Variants in COL28A1 observed in about 807,000 individuals in gnomAD.
The protein encoded by COL28A1 is collagen type XXVIII alpha 1 chain.
In COL28A1, 161 loss-of-function variants were observed where a neutral mutation model predicts 150.2. That is an observed-to-expected ratio of 1.07 (90% CI 0.94 to 1.22). The LOEUF is 1.22. COL28A1 is among the 50% of genes most tolerant of loss of function. COL28A1 has a pLI of 0.00. For missense variants in COL28A1, 1,617 were observed against 1,388.3 expected (o/e 1.16, Z -2.62); for synonymous variants, 552 against 469.7 (o/e 1.18, Z -2.26).
intron 27 of COL28A1, among the ~76,000 whole-genome samples, chr7:7,416,967 CTCAGTT>C (rs1204960382): frequency 6.6e-6 from 1 of 151,938 alleles, no homozygotes; most frequent in Non-Finnish European, 1.5e-5. Flanking sequence ...AGGTGAATAA[CTCAGTT>C]TCAAAGCTTA....
chr7:7,534,423 TAAA>T (rs777157628), intron 1 of COL28A1, among the ~76,000 whole-genome samples: 14 of 152,312 alleles, frequency 9.2e-5, no homozygotes, highest in Non-Finnish European at 1.6e-4. Flanking sequence ...AAGGTTAGTG[TAAA>T]GATAAGGCTA....
upstream of COL28A1, among the ~76,000 whole-genome samples, chr7:7,539,981 T>A (rs2115286670): frequency 6.6e-6 from 1 of 152,328 alleles, no homozygotes; most frequent in African/African-American, 2.4e-5. Context: ...TGACTATTAA[T>A]CTCTTTCTCT....
chr7:7,541,990 C>T, the COL28A1 span, among the ~76,000 whole-genome samples: 1 of 151,900 alleles, frequency 6.6e-6, no homozygotes, highest in East Asian at 1.9e-4. Context: ...GTTGACAATA[C>T]CATGCTGCAG....
At chr7:7,350,966 T>C in the COL28A1 span, among the ~76,000 whole-genome samples, 8 of 152,156 alleles carry the variant, frequency 5.3e-5, no homozygotes, top group African/African-American at 1.7e-4. Flanking sequence ...CAGAGAAAAA[T>C]AGAGAAAGTC....
intron 32 of COL28A1, 110 bp from the exon 33 acceptor site, chr7:7,370,992 G>C: frequency 1.4e-6 from 1 of 729,800 alleles, no homozygotes; most frequent in Non-Finnish European, 2.2e-6. Flanking sequence ...CCCATTACTT[G>C]AAATCAACTG....
intron 22 of COL28A1, among the ~76,000 whole-genome samples, chr7:7,436,877 T>A (rs1012941526): frequency 5.9e-5 from 9 of 152,100 alleles, no homozygotes; most frequent in African/African-American, 1.9e-4. Context: ...CCGTCTCTAC[T>A]AAAAGCACAA....
At chr7:7,443,974 T>C (rs2128322777) in intron 19 of COL28A1, among the ~76,000 whole-genome samples, 1 of 150,204 alleles carries the variant, frequency 6.7e-6, no homozygotes, top group East Asian at 1.9e-4. Context: ...ACCTTCAGCC[T>C]TTCCATCTGC....
At chr7:7,347,901 T>C in the COL28A1 span, among the ~76,000 whole-genome samples, 2 of 151,986 alleles carry the variant, frequency 1.3e-5, no homozygotes, top group Admixed American at 6.6e-5. Context: ...GGTAAGGAAG[T>C]TGAGCCTCCT....
At chr7:7,384,457 T>C (rs1408245679) in intron 27 of COL28A1, among the ~76,000 whole-genome samples, 3 of 152,196 alleles carry the variant, frequency 2.0e-5, no homozygotes, top group Admixed American at 6.5e-5. Flanking sequence ...GGTTGGAAAA[T>C]AAGTGAGTAT....
intron 23 of COL28A1, among the ~76,000 whole-genome samples, chr7:7,432,982 C>G (rs1052545140): frequency 6.6e-6 from 1 of 151,824 alleles, no homozygotes; most frequent in African/African-American, 2.4e-5. Context: ...CCTATTGTTG[C>G]GTTAAATCTA....
chr7:7,474,639 G>T lies in COL28A1; in HGVS notation c.1264C>A (p.Pro422Thr). The stretch of plus-strand genomic sequence containing the variant: ...ATTGACAGGCCTTGTAATCCCTGTG[G>T]GCCAGTTGGTCCTTCAGAACCTTTT... Reference protein sequence around the residue: ...GEKGSEGPTGPQGLQGLSIKG... With the variant: ...GEKGSEGPTGTQGLQGLSIKG... The change falls in exon 15 of 35, where the codon CCA becomes ACA. Residue 422 changes from proline to threonine, a missense_variant. Coordinates refer to ENST00000399429, the MANE Select transcript of COL28A1 (RefSeq NM_001037763.3). 7.0e-7 allele frequency: 1 copy of T among 1,437,126 alleles called. No homozygotes were observed. The highest frequency in any genetic ancestry group is 9.8e-7 in the Non-Finnish European group (1 of 1,019,004). 89.0% of individuals were successfully genotyped at this position (1,437,126 alleles called of 1,614,324 possible).
chr7:7,449,572 C>T (rs28498082), intron 18 of COL28A1, among the ~76,000 whole-genome samples: 31,985 of 151,386 alleles, frequency 0.21, 4,620 homozygotes, highest in African/African-American at 0.41. Flanking sequence ...AAATAATAGG[C>T]AAAACTTTAT....
In COL28A1 at chr7:7,512,659, T is replaced by C. The variant is rs550489164; in HGVS notation, c.883-1524A>G. 2.4e-4 allele frequency among the ~76,000 whole-genome samples: 37 copies of C among 152,364 alleles called. No homozygotes were observed. In the South Asian group the frequency reaches 7.5e-3, roughly 31 times the overall value. ...AAAAATGACTAAAGTTTCATAATCA[T>C]AGTAATATTATCTCCTTTATAAATC... On this transcript the variant is annotated intron_variant, in intron 8 of 34. Transcript: ENST00000399429.
intron 15 of COL28A1, among the ~76,000 whole-genome samples, chr7:7,465,071 A>G (rs984955563): frequency 6.6e-6 from 1 of 152,168 alleles, no homozygotes; most frequent in Non-Finnish European, 1.5e-5. Context: ...GGAGATGAAT[A>G]AATTCTTGAA....
chr7:7,449,698 CA>C (rs894704127), intron 18 of COL28A1, among the ~76,000 whole-genome samples: 5 of 151,398 alleles, frequency 3.3e-5, no homozygotes, highest in African/African-American at 1.2e-4. Flanking sequence ...CAAAACAAAA[CA>C]AAAAAATTCT....
downstream of COL28A1, chr7:7,356,554 G>A (rs936033517): frequency 1.9e-4 from 29 of 152,138 alleles, no homozygotes; most frequent in African/African-American, 7.0e-4. Flanking sequence ...GGACATGGAT[G>A]AAGCTGGAAA....
In COL28A1 at chr7:7,443,657, G is replaced by A. The variant is rs774662015; in HGVS notation, c.1582-4C>T. ...CTCCCGGAAGCCCCGCTTCTCCCTAGAGAAAATGACACTGATGTGTTAGCT... is the reference window on the plus strand; with the variant it reads ...CTCCCGGAAGCCCCGCTTCTCCCTAAAGAAAATGACACTGATGTGTTAGCT... On this transcript the variant is annotated splice_region_variant and splice_polypyrimidine_tract_variant and intron_variant, in intron 19 of 34. Coordinates refer to ENST00000399429, the MANE Select transcript of COL28A1 (RefSeq NM_001037763.3). The A allele has an allele frequency of 2.5e-6, 4 of 1,613,970 alleles. No individual in the cohort carries two copies. The highest frequency in any genetic ancestry group is 2.2e-5 in the South Asian group (2 of 91,080).
intron 27 of COL28A1, among the ~76,000 whole-genome samples, chr7:7,397,884 G>T (rs557265382): frequency 6.6e-6 from 1 of 152,156 alleles, no homozygotes; most frequent in South Asian, 2.1e-4. Flanking sequence ...TACTCTCATC[G>T]CATAATGAAG....
chr7:7,489,214 G>A (rs759517880), intron 13 of COL28A1, among the ~76,000 whole-genome samples, 175 bp downstream of exon 13: 1 of 152,176 alleles, frequency 6.6e-6, no homozygotes, highest in African/African-American at 2.4e-5. Flanking sequence ...TGGTTGCAGT[G>A]AGCCGAGATC....
Sources: allele counts gnomAD v4.1 joint callset (sites outside exome capture counted in the v4.1 genomes callset), GRCh38; gene constraint gnomAD v4.1.1; transcripts MANE v1.5; gene names NCBI Gene and HGNC (gene_info 2026-07-23, HGNC 2026-07-21).